SIRT1: variants seen among roughly 807,000 people sequenced by gnomAD.
SIRT1 encodes sirtuin 1.
SIRT1 carries 24 observed loss-of-function variants against 67.9 expected under a neutral mutation model. The ratio of observed to expected loss-of-function variants is 0.35; its 90% CI spans 0.26 to 0.50. The LOEUF is 0.50. Ranked by LOEUF, SIRT1 falls within the 20% of genes least tolerant of loss-of-function variation. SIRT1 has a pLI of 0.98. For synonymous variants in SIRT1, 378 were observed against 350.7 expected (o/e 1.08, Z -0.87); for missense variants, 873 against 937.2 (o/e 0.93, Z 0.89).
chr10:67,909,572 TTG>T, intron 7 of SIRT1, 130 bp downstream of exon 7: 1 of 726,864 alleles, frequency 1.4e-6, no homozygotes, highest in African/African-American at 1.8e-5. Flanking sequence ...ATTTTAGAAA[TTG>T]TTTGTTTGTT....
chr10:67,886,959 C>T (rs1170257471), intron 1 of SIRT1, among the ~76,000 whole-genome samples: 1 of 151,840 alleles, frequency 6.6e-6, no homozygotes, highest in Non-Finnish European at 1.5e-5. Flanking sequence ...GCAACCTCCG[C>T]TTCCCGGGTT....
At chr10:67,906,395 T>TA in intron 4 of SIRT1, 2 of 1,042,334 alleles carry the variant, frequency 1.9e-6, no homozygotes, top group Non-Finnish European at 1.3e-6. Context: ...CTTTTTTTTT[T>TA]AAATCACCCT....
At chr10:67,901,301 T>A (rs1226057555) in intron 4 of SIRT1, among the ~76,000 whole-genome samples, 2 of 152,094 alleles carry the variant, frequency 1.3e-5, no homozygotes, top group Non-Finnish European at 2.9e-5. Flanking sequence ...CCCGGCTATT[T>A]TTTTTTGTAT....
rs893166097 is a variant in SIRT1, at chr10:67,895,733, G to T, written c.942+4179G>T. Among the ~76,000 whole-genome samples, 354 of 42,508 alleles carry T rather than the reference G, an allele frequency of 8.3e-3. 1 individual carries two copies. The highest frequency in any genetic ancestry group is 0.029 in the Middle Eastern group (1 of 34). 27.9% of individuals were successfully genotyped at this position (42,508 alleles called of 152,430 possible). A position where few individuals can be genotyped will look rare whatever the true frequency, so the allele number is the denominator to read the frequency against. On this transcript the variant is annotated intron_variant, in intron 4 of 8. Coordinates refer to ENST00000212015, the MANE Select transcript of SIRT1 (RefSeq NM_012238.5). ...GTATGTGATTATTGAGAATTAACTTGTTTTTTTTTTTTTTGTTTTTTTTTT... is the reference window on the plus strand; with the variant it reads ...GTATGTGATTATTGAGAATTAACTTTTTTTTTTTTTTTTTGTTTTTTTTTT...
chr10:67,908,862 A>C (rs1205645611), intron 6 of SIRT1, among the ~76,000 whole-genome samples: 2 of 152,182 alleles, frequency 1.3e-5, no homozygotes, highest in Admixed American at 6.5e-5. Flanking sequence ...AGATCATGCC[A>C]CTTCACTCCA....
intron 2 of SIRT1, 34 bp from the exon 3 acceptor site, chr10:67,888,848 A>C: frequency 2.6e-6 from 4 of 1,558,650 alleles, no homozygotes; most frequent in Non-Finnish European, 3.5e-6. Context: ...ATTACTTGAT[A>C]AGTTGACTTT....
At chr10:67,910,975 G>C (rs1242708608) in intron 7 of SIRT1, among the ~76,000 whole-genome samples, 1 of 152,164 alleles carries the variant, frequency 6.6e-6, no homozygotes. Flanking sequence ...AGAGTAAACA[G>C]TTGGAAGAAA....
At chr10:67,910,068 G>T (rs1238382432) in intron 7 of SIRT1, among the ~76,000 whole-genome samples, 5 of 148,382 alleles carry the variant, frequency 3.4e-5, no homozygotes, top group African/African-American at 1.3e-4. Context: ...ACATTTTGAT[G>T]GGGGGTGGAG....
chr10:67,906,913 A>G lies in SIRT1; in HGVS notation c.1066A>G (p.Ile356Val). Residue 356 changes from isoleucine to valine, a missense_variant, in exon 5 of 9, where the codon ATC becomes GTC. Ile to Val is a conservative substitution (Grantham distance 29, BLOSUM62 3). This residue lies in a region of SIRT1 where 251 missense variants were observed against 358.8 expected (regional missense o/e 0.70). Coordinates refer to ENST00000212015, the MANE Select transcript of SIRT1 (RefSeq NM_012238.5). ...NIDTLEQVAG[I>V]QRIIQCHGSF... ...AGACACGCTGGAACAGGTTGCGGGA[A>G]TCCAAAGGATAATTCAGTGTCATGG... is the stretch of plus-strand genomic sequence containing the variant. 2 of 1,607,200 alleles carry G rather than the reference A, an allele frequency of 1.2e-6. No individual in the cohort carries two copies. The highest frequency in any genetic ancestry group is 8.5e-7 in the Non-Finnish European group (1 of 1,177,764).
chr10:67,893,473 T>C (rs1339795029), intron 4 of SIRT1, among the ~76,000 whole-genome samples: 6 of 152,028 alleles, frequency 3.9e-5, no homozygotes, highest in Admixed American at 3.3e-4. Flanking sequence ...AGTGGCTTTT[T>C]CCCCACCTAA....
At chr10:67,915,383 C>G (rs1426128877) in intron 8 of SIRT1, among the ~76,000 whole-genome samples, 1 of 152,208 alleles carries the variant, frequency 6.6e-6, no homozygotes, top group African/African-American at 2.4e-5. Flanking sequence ...GGATCCTACT[C>G]TTTCACTTAA....
At chr10:67,914,783 C>T (rs1228942579) in intron 8 of SIRT1, among the ~76,000 whole-genome samples, 4 of 151,038 alleles carry the variant, frequency 2.6e-5, no homozygotes, top group South Asian at 2.1e-4. Flanking sequence ...TCTCGGTTCA[C>T]GGCAACCTCC....
rs569556039 is a variant in SIRT1, at chr10:67,899,402, A to G, written c.943-7388A>G. 3.3e-5 allele frequency among the ~76,000 whole-genome samples: 5 copies of G among 151,772 alleles called. No homozygotes were observed. In the South Asian group the frequency reaches 6.2e-4, roughly 19 times the overall value. On this transcript the variant is annotated intron_variant, in intron 4 of 8. Coordinates refer to ENST00000212015, the MANE Select transcript of SIRT1 (RefSeq NM_012238.5). The stretch of plus-strand genomic sequence containing the variant: ...GTGTGCAGTATCTTTCAAAAATCAT[A>G]TATCTATATATAGTTTGCCCCTTCC...
At chr10:67,897,147 C>G (rs1374219250) in intron 4 of SIRT1, among the ~76,000 whole-genome samples, 3 of 151,648 alleles carry the variant, frequency 2.0e-5, no homozygotes, top group Non-Finnish European at 4.4e-5. Context: ...CAGAGTGAGA[C>G]TCCATCTCAA....
intron 5 of SIRT1, 62 bp from the exon 6 acceptor site, chr10:67,907,984 T>C: frequency 7.5e-7 from 1 of 1,340,842 alleles, no homozygotes; most frequent in Non-Finnish European, 1.1e-6. Context: ...ATAACGTTTG[T>C]GGTGTGTTCA....
At position 67,904,637 on chromosome 10, in the gene SIRT1, G is replaced by A. The variant is rs377135508; in HGVS notation, c.943-2153G>A. Among the ~76,000 whole-genome samples, 24 of 152,154 alleles carry A rather than the reference G, an allele frequency of 1.6e-4. No individual in the cohort carries two copies. The East Asian group carries it at 3.7e-3, about 23-fold the overall frequency. ...AAGGTGGGCGGATCACCTGAGGTCA[G>A]GAGTTCAAGACCAGCCTGACCAACA... is the stretch of plus-strand genomic sequence containing the variant. On this transcript the variant is annotated intron_variant, in intron 4 of 8. Coordinates refer to ENST00000212015, the MANE Select transcript of SIRT1 (RefSeq NM_012238.5).
At chr10:67,907,390 G>A (rs1197964534) in intron 5 of SIRT1, among the ~76,000 whole-genome samples, 4 of 151,226 alleles carry the variant, frequency 2.6e-5, no homozygotes, top group African/African-American at 9.7e-5. Context: ...AGCTACTCAG[G>A]AGGCTGAGGC....
intron 4 of SIRT1, among the ~76,000 whole-genome samples, chr10:67,905,617 TA>T (rs1434988015): frequency 6.6e-6 from 1 of 152,188 alleles, no homozygotes; most frequent in African/African-American, 2.4e-5. Flanking sequence ...TAATCTCTAT[TA>T]AACTTTTTTG....
rs1051881207 is a variant in SIRT1, at chr10:67,909,265, C to T, written c.1180C>T (p.Arg394Ter). The T allele has an allele frequency of 3.1e-6, 5 of 1,593,814 alleles. No individual in the cohort carries two copies. Among genetic ancestry groups the T allele is most frequent in the Non-Finnish European group, 4.3e-6 (5 of 1,172,938 alleles). ...ATCTGAAAATATGTAGGTAGTTCCT[C>T]GATGTCCTAGGTGCCCAGCTGATGA... ...RGDIFNQVVP[R>*]CPRCPADEPL... Residue 394 changes from arginine to a stop codon, truncating the protein, a stop_gained, in exon 7 of 9, where the codon CGA (arginine) becomes TGA (stop). Coordinates refer to ENST00000212015, the MANE Select transcript of SIRT1 (RefSeq NM_012238.5). LOFTEE classifies it high-confidence loss of function.
Sources: gnomAD v4.1 joint callset for allele counts (sites outside exome capture counted in the v4.1 genomes callset) on GRCh38, gnomAD v4.1.1 for gene constraint, gnomAD v4.1.1 regional missense constraint, MANE v1.5 for transcripts, NCBI Gene and HGNC (gene_info 2026-07-23, HGNC 2026-07-21) for gene names.